MPDU1: variants seen among roughly 807,000 people sequenced by gnomAD.
MPDU1 encodes mannose-P-dolichol utilization defect 1.
In MPDU1, 18 loss-of-function variants were observed where a neutral mutation model predicts 27.6. The ratio of observed to expected loss-of-function variants is 0.65; its 90% CI spans 0.45 to 0.97. MPDU1 has a LOEUF of 0.97. Ranked by LOEUF, MPDU1 falls within the 50% of genes least tolerant of loss-of-function variation. The pLI, the probability that MPDU1 is intolerant of heterozygous loss-of-function variation, is 0.00. For synonymous variants in MPDU1, 142 were observed against 131.1 expected, an observed-to-expected ratio of 1.08 and a Z score of -0.57; for missense variants, 279 against 297.4, an observed-to-expected ratio of 0.94 and a Z score of 0.46.
Position 7,586,018 on chromosome 17 carries a change from T to A in MPDU1, c.242T>A (p.Leu81Gln). The change falls in exon 3 of 7, where the codon CTG becomes CAG. Residue 81 changes from leucine (L) to glutamine (Q), a missense_variant. Transcript: ENST00000250124. ...GGGTTGAGTCTCCAGTCTGTAATGC[T>A]GGAGCTAGTGGCATTGACTGGGACC... ...AEGLSLQSVMLELVALTGTMV... is the reference protein window; with the variant it reads ...AEGLSLQSVMQELVALTGTMV... The A allele has an allele frequency of 6.2e-7, 1 of 1,614,126 alleles. No individual in the cohort carries two copies. The highest frequency in any genetic ancestry group is 8.5e-7 in the Non-Finnish European group (1 of 1,180,024).
At chr17:7,585,125 T>C (rs1306278694) in intron 1 of MPDU1, among the ~76,000 whole-genome samples, 1 of 152,142 alleles carries the variant, frequency 6.6e-6, no homozygotes. Flanking sequence ...TTCTCAGCTT[T>C]ATATGGGGAA....
At chr17:7,585,680 T>A (rs779774717) in intron 1 of MPDU1, 52 bp from the exon 2 acceptor site, 1 of 1,583,726 alleles carries the variant, frequency 6.3e-7, no homozygotes, top group East Asian at 2.2e-5. Context: ...CTTCAAGCCC[T>A]GGCCTGGGTT....
At chr17:7,585,139 A>G (rs776136001) in intron 1 of MPDU1, among the ~76,000 whole-genome samples, 5 of 152,170 alleles carry the variant, frequency 3.3e-5, no homozygotes, top group Admixed American at 6.5e-5. Flanking sequence ...TGGGGAAGCA[A>G]TGGAGAGCCG....
chr17:7,587,130 A>G, intron 5 of MPDU1, 31 bp from the exon 6 acceptor site: 1 of 1,606,554 alleles, frequency 6.2e-7, no homozygotes. Context: ...AGCTCAGGTG[A>G]CAGAGCCAAA....
In MPDU1 at chr17:7,587,696, A is replaced by G. The variant is rs1237693854; in HGVS notation, c.*145A>G. ...CTGAGCCAGGGTTTTCTTTTAGTGGAAACAAATGGTTGATGGATCCAGATC... is the reference window on the plus strand; with the variant it reads ...CTGAGCCAGGGTTTTCTTTTAGTGGGAACAAATGGTTGATGGATCCAGATC... On this transcript the variant is annotated 3_prime_UTR_variant, in exon 7 of 7. Transcript: ENST00000250124. 8.4e-7 allele frequency: 1 copy of G among 1,186,602 alleles called. No homozygotes were observed. Among genetic ancestry groups the G allele is most frequent in the Non-Finnish European group, 1.2e-6 (1 of 818,880 alleles). 73.5% of individuals were successfully genotyped at this position (1,186,602 alleles called of 1,614,324 possible).
intron 3 of MPDU1, 195 bp downstream of exon 3, chr17:7,586,273 C>G: frequency 3.1e-6 from 2 of 642,178 alleles, no homozygotes; most frequent in Non-Finnish European, 5.5e-6. Context: ...AACCCCGTCT[C>G]TACTAAAAAT....
rs145983820 is a variant in MPDU1 at position 7,586,960 on chromosome 17, C to T, written c.450C>T (p.Pro150=). 8.4e-5 allele frequency: 135 copies of T among 1,606,480 alleles called. No homozygotes were observed. The highest frequency in any genetic ancestry group is 1.1e-4 in the Non-Finnish European group (132 of 1,177,292). ...VLLVLLSPLT[P]LTVVTLLQAS... ...TGGTGCTTCTCTCACCTCTGACGCC[C>T]TTGACTGTAGTCACCCTGCTCCAGG... Residue 150 remains proline (P), a synonymous_variant, in exon 5 of 7, where the codon CCC becomes CCT. Coordinates refer to ENST00000250124, the MANE Select transcript of MPDU1 (RefSeq NM_004870.4).
In MPDU1 at chr17:7,587,757, A is replaced by T; in HGVS notation, c.*206A>T. ...GAGAGGATGGGGGTAGAGTCTCCCA[A>T]GCCAAAATTTTGACATTTGAGTGCT... On this transcript the variant is annotated 3_prime_UTR_variant, in exon 7 of 7. Coordinates refer to ENST00000250124, the MANE Select transcript of MPDU1 (RefSeq NM_004870.4). 2 of 764,080 alleles carry T rather than the reference A, an allele frequency of 2.6e-6. No individual in the cohort carries two copies. The highest frequency in any genetic ancestry group is 4.4e-6 in the Non-Finnish European group (2 of 451,882). The allele number at this position is 764,080 out of a possible 1,614,324, so 47.3% of individuals were successfully genotyped here.
chr17:7,587,675 G>A lies in MPDU1; in HGVS notation c.*124G>A. The A allele has an allele frequency of 1.5e-6, 2 of 1,378,918 alleles. No homozygotes were observed. The highest frequency in any genetic ancestry group is 2.4e-5 in the South Asian group (2 of 84,224). The allele number at this position is 1,378,918 out of a possible 1,614,324, so 85.4% of individuals were successfully genotyped here. On this transcript the variant is annotated 3_prime_UTR_variant, in exon 7 of 7. Transcript: ENST00000250124. ...TCCTCTGCACTTGCAGACTTTCTGA[G>A]CCAGGGTTTTCTTTTAGTGGAAACA... is the stretch of plus-strand genomic sequence containing the variant.
chr17:7,586,168 GGGCCCAGT>G, intron 3 of MPDU1, 90 bp downstream of exon 3: 1 of 1,516,998 alleles, frequency 6.6e-7, no homozygotes, highest in South Asian at 1.2e-5. Flanking sequence ...CAAAGTGGCC[GGGCCCAGT>G]GGCTTGCACC....
chr17:7,585,591 C>T, intron 1 of MPDU1, 141 bp from the exon 2 acceptor site: 2 of 742,416 alleles, frequency 2.7e-6, no homozygotes, highest in Non-Finnish European at 4.7e-6. Context: ...GACTTTCTCA[C>T]TGCCCTCCGC....
rs747405299 is a variant in MPDU1 at position 7,587,693 on chromosome 17, T to C, written c.*142T>C. ...TTTCTGAGCCAGGGTTTTCTTTTAG[T>C]GGAAACAAATGGTTGATGGATCCAG... On this transcript the variant is annotated 3_prime_UTR_variant, in exon 7 of 7. Coordinates refer to ENST00000250124, the MANE Select transcript of MPDU1 (RefSeq NM_004870.4). 8.5e-7 allele frequency: 1 copy of C among 1,175,562 alleles called. No homozygotes were observed. Among genetic ancestry groups the C allele is most frequent in the Admixed American group, 1.9e-5 (1 of 52,314 alleles). 72.8% of individuals were successfully genotyped at this position (1,175,562 alleles called of 1,614,324 possible).
chr17:7,588,026 G>GGGGAAGGGGTCC lies in MPDU1; in HGVS notation c.*484_*485insTCCGGGAAGGGG, dbSNP rs2071614690. 2.0e-6 allele frequency: 1 copy of GGGGAAGGGGTCC among 497,410 alleles called. No individual in the cohort carries two copies. Among genetic ancestry groups the GGGGAAGGGGTCC allele is most frequent in the African/African-American group, 1.9e-5 (1 of 51,702 alleles). 30.8% of individuals were successfully genotyped at this position (497,410 alleles called of 1,614,324 possible). A position where few individuals can be genotyped will look rare whatever the true frequency, so the allele number is the denominator to read the frequency against. ...TCTCCCGGACCCCAGTGCTGGGGTG[G>GGGGAAGGGGTCC]GGGAAGGGGGACGGAGAATGACTCA... On this transcript the variant is annotated 3_prime_UTR_variant, in exon 7 of 7. Transcript: ENST00000250124.
chr17:7,584,325 T>C (rs1322318943), intron 1 of MPDU1: 1 of 511,926 alleles, frequency 2.0e-6, no homozygotes, highest in East Asian at 3.6e-5. Context: ...CGGGCCTTCA[T>C]TGCACCCCCA....
In MPDU1 at chr17:7,587,439, C is replaced by T; in HGVS notation, c.632C>T (p.Pro211Leu). Residue 211 changes from proline to leucine, a missense_variant, in exon 7 of 7, where the codon CCC becomes CTC. By Grantham distance (98) the Pro-to-Leu change is moderately conservative (BLOSUM62 -3). Transcript: ENST00000250124. ...IFTSIQETGD[P>L]LMAGTFVVSS... is the part of the protein sequence containing the mutation. ...TCTTGCAACCAGGAAACCGGAGATC[C>T]CCTGATGGCTGGGACCTTTGTGGTC... 1.2e-6 allele frequency: 2 copies of T among 1,613,964 alleles called. No homozygotes were observed. Among genetic ancestry groups the T allele is most frequent in the South Asian group, 1.1e-5 (1 of 91,078 alleles).
intron 1 of MPDU1, chr17:7,584,371 T>C (rs1448813743): frequency 2.4e-6 from 1 of 423,822 alleles, no homozygotes; most frequent in Admixed American, 4.2e-5. Context: ...CTTTCCAGCC[T>C]CCAGGTTTGC....
In MPDU1 at chr17:7,587,560, A is replaced by G. The variant is rs755001933; in HGVS notation, c.*9A>G. On this transcript the variant is annotated 3_prime_UTR_variant, in exon 7 of 7. Transcript: ENST00000250124. The stretch of plus-strand genomic sequence containing the variant: ...AGAAAAAGGCGCAGTAGAGCCAGCT[A>G]CTGGAGTCATTCCGTTTCCACTCAT... 6.2e-7 allele frequency: 1 copy of G among 1,613,586 alleles called. No homozygotes were observed. The highest frequency in any genetic ancestry group is 1.1e-5 in the South Asian group (1 of 91,050).
At chr17:7,583,663 A>C, upstream of MPDU1, 1 of 729,380 alleles carries the variant, frequency 1.4e-6, no homozygotes, top group Non-Finnish European at 2.5e-6. Flanking sequence ...TACAATTCCA[A>C]CAGCGCGTCC....
chr17:7,584,741 C>G (rs556180997), intron 1 of MPDU1, among the ~76,000 whole-genome samples: 2 of 152,320 alleles, frequency 1.3e-5, no homozygotes, highest in South Asian at 4.1e-4. Flanking sequence ...CCTGTAATCC[C>G]AGCACTTTGG....
Sources: allele counts gnomAD v4.1 joint callset (sites outside exome capture counted in the v4.1 genomes callset), GRCh38; gene constraint gnomAD v4.1.1; transcripts MANE v1.5; gene names NCBI Gene and HGNC (gene_info 2026-07-23, HGNC 2026-07-21).